Variants in DYNC2H1 observed in about 807,000 individuals in gnomAD.
DYNC2H1 encodes dynein cytoplasmic 2 heavy chain 1.
DYNC2H1 carries 410 observed loss-of-function variants against 570.0 expected under a neutral mutation model. The observed-to-expected ratio is 0.72, with a 90% CI of 0.66 to 0.78. The LOEUF (loss-of-function observed/expected upper bound fraction) is 0.78, where lower values mean the gene tolerates loss of function less well. Ranked by LOEUF, DYNC2H1 falls within the 30% of genes least tolerant of loss-of-function variation. The probability of loss-of-function intolerance (pLI) is 0.00; values close to 1 mark genes in which losing one functional copy is unlikely to be tolerated. For missense variants in DYNC2H1, 4,865 were observed against 5,046.4 expected (o/e 0.96, Z 1.09); for synonymous variants, 1,688 against 1,677.6 (o/e 1.01, Z -0.15).
chr11:103,156,907 C>A, intron 26 of DYNC2H1, 137 bp downstream of exon 26: 3 of 1,099,302 alleles, frequency 2.7e-6, no homozygotes, highest in Non-Finnish European at 3.8e-6. Context: ...CCTAGTGGAT[C>A]CTTTTGAGAA....
intron 65 of DYNC2H1, among the ~76,000 whole-genome samples, chr11:103,247,176 G>A (rs189564437): frequency 1.3e-5 from 2 of 152,100 alleles, no homozygotes; most frequent in Admixed American, 1.3e-4. Context: ...ACAAACAACA[G>A]ACATCAAAAG....
At chr11:103,392,163 C>A (rs547122410) in intron 83 of DYNC2H1, among the ~76,000 whole-genome samples, 1 of 152,222 alleles carries the variant, frequency 6.6e-6, no homozygotes, top group Non-Finnish European at 1.5e-5. Context: ...TCGAGCTTCC[C>A]GGCCACTTTG....
intron 82 of DYNC2H1, among the ~76,000 whole-genome samples, chr11:103,354,983 G>C (rs529716805): frequency 6.6e-6 from 1 of 151,840 alleles, no homozygotes; most frequent in Admixed American, 6.6e-5. Context: ...CCTTTTATTA[G>C]CTCTTCATAT....
Position 103,109,505 on chromosome 11 carries a change from C to T in DYNC2H1, c.-70C>T, listed in dbSNP as rs1210659082. 6 of 1,455,068 alleles carry T rather than the reference C, an allele frequency of 4.1e-6. No individual in the cohort carries two copies. The Admixed American group carries it at 9.8e-5, about 24-fold the overall frequency. The allele number at this position is 1,455,068 out of a possible 1,614,324, so 90.1% of individuals were successfully genotyped here. On this transcript the variant is annotated 5_prime_UTR_variant, in exon 1 of 89. Coordinates refer to ENST00000375735, the MANE Select transcript of DYNC2H1 (RefSeq NM_001377.3). ...GGTTTGAGCAAAGCTCCTCTCTTCC[C>T]TTCACTTCCCTCCGGACTGGTTTCT...
chr11:103,212,340 G>A (rs2135123813), intron 54 of DYNC2H1, among the ~76,000 whole-genome samples: 1 of 151,934 alleles, frequency 6.6e-6, no homozygotes, highest in East Asian at 1.9e-4. Context: ...CAAATATGGT[G>A]CAGTGTATAC....
intron 18 of DYNC2H1, among the ~76,000 whole-genome samples, chr11:103,144,644 A>G (rs1018929496): frequency 2.0e-5 from 3 of 152,160 alleles, no homozygotes; most frequent in Non-Finnish European, 4.4e-5. Flanking sequence ...ATGATCCTGG[A>G]AAGGTGTAGA....
chr11:103,189,962 T>G lies in DYNC2H1; in HGVS notation c.7437+146T>G. ...AGTAGAGAGTAACTGTGAAGACAGG[T>G]GCTGTGTGTGCCTTATTCACTGTTG... On this transcript the variant is annotated intron_variant, in intron 45 of 88. Transcript: ENST00000375735. This position sits in a 1 kb window ranked among gnomAD's most constrained non-coding sequence, Gnocchi z 4.3. The G allele has an allele frequency of 2.6e-6, 2 of 776,936 alleles. No homozygotes were observed. The highest frequency in any genetic ancestry group is 4.7e-5 in the South Asian group (2 of 42,686). The allele number at this position is 776,936 out of a possible 1,614,324, so 48.1% of individuals were successfully genotyped here.
intron 88 of DYNC2H1, among the ~76,000 whole-genome samples, chr11:103,474,838 G>C (rs1409580808): frequency 6.6e-6 from 1 of 152,134 alleles, no homozygotes; most frequent in Admixed American, 6.5e-5. Flanking sequence ...TTGGGGCCTT[G>C]GAATGTATTC....
intron 82 of DYNC2H1, among the ~76,000 whole-genome samples, chr11:103,355,059 A>G (rs983115268): frequency 1.1e-4 from 16 of 152,002 alleles, no homozygotes; most frequent in African/African-American, 3.9e-4. Context: ...TAAAACTCTT[A>G]TTTATTATTT....
intron 45 of DYNC2H1, among the ~76,000 whole-genome samples, 178 bp from the exon 46 acceptor site, chr11:103,191,339 A>G (rs1433549755): frequency 2.0e-5 from 3 of 152,110 alleles, no homozygotes. Flanking sequence ...GCGCCCGACC[A>G]GAATGTTTTT....
At chr11:103,478,975 A>G (rs2135878914) in intron 88 of DYNC2H1, 120 bp from the exon 89 acceptor site, 1 of 1,169,410 alleles carries the variant, frequency 8.6e-7, no homozygotes, top group Middle Eastern at 2.9e-4. Flanking sequence ...ATAGGGGTTC[A>G]TCATATTAAT....
At chr11:103,226,033 C>G (rs942788656) in intron 59 of DYNC2H1, among the ~76,000 whole-genome samples, 2 of 151,760 alleles carry the variant, frequency 1.3e-5, no homozygotes, top group African/African-American at 2.4e-5. Flanking sequence ...TGGTGTATAG[C>G]AGAGCTACTG....
In DYNC2H1 at chr11:103,157,309, A is replaced by G. The variant is rs762314669; in HGVS notation, c.4127+539A>G. ...ACTGCCAGCATCAGTTCTCTTTTAT[A>G]TGCTGAGGTCTCCTCAACTTACATG... On this transcript the variant is annotated intron_variant, in intron 26 of 88. Transcript: ENST00000375735. The surrounding 1 kb of genome is among the most constrained non-coding windows in gnomAD (Gnocchi z 4.2). 1.2e-4 allele frequency among the ~76,000 whole-genome samples: 19 copies of G among 152,150 alleles called. No individual in the cohort carries two copies. The highest frequency in any genetic ancestry group is 2.5e-4 in the Non-Finnish European group (17 of 68,030).
intron 15 of DYNC2H1, among the ~76,000 whole-genome samples, chr11:103,134,638 A>G (rs1219817911): frequency 6.6e-6 from 1 of 152,148 alleles, no homozygotes; most frequent in Non-Finnish European, 1.5e-5. Context: ...GTAGTGTCTT[A>G]TGGAATGCCA....
rs1222438753 is a variant in DYNC2H1, at chr11:103,395,344, T to C, written c.12157-4319T>C. ...GATTTCTATATACATATATATTTCTTATTATGTATTATGTATATCCTCATA... is the reference window on the plus strand; with the variant it reads ...GATTTCTATATACATATATATTTCTCATTATGTATTATGTATATCCTCATA... On this transcript the variant is annotated intron_variant, in intron 83 of 88. Transcript: ENST00000375735. This position sits in a 1 kb window ranked among gnomAD's most constrained non-coding sequence, Gnocchi z 4.3. Among the ~76,000 whole-genome samples, 7 of 151,960 alleles carry C rather than the reference T, an allele frequency of 4.6e-5. No homozygotes were observed. The East Asian group carries it at 9.6e-4, about 21-fold the overall frequency.
chr11:103,390,408 G>T (rs1394559226), intron 83 of DYNC2H1, among the ~76,000 whole-genome samples: 3 of 151,274 alleles, frequency 2.0e-5, no homozygotes, highest in Non-Finnish European at 4.4e-5. Context: ...CATGAGATGG[G>T]TTTCCTGAAT....
rs369860901 is a variant in DYNC2H1, at chr11:103,418,924, A to G, written c.12367-17019A>G. 1.6e-4 allele frequency among the ~76,000 whole-genome samples: 25 copies of G among 152,280 alleles called. No homozygotes were observed. In the East Asian group the frequency reaches 3.5e-3, roughly 21 times the overall value. On this transcript the variant is annotated intron_variant, in intron 84 of 88. Transcript: ENST00000375735. ...GTCTGCACAGCAGCTGCTCAGGTAC[A>G]CACACACAGGCCCAGGAGTTTTACA...
intron 13 of DYNC2H1, among the ~76,000 whole-genome samples, chr11:103,130,409 T>C (rs892385012): frequency 6.6e-6 from 1 of 152,188 alleles, no homozygotes; most frequent in African/African-American, 2.4e-5. Flanking sequence ...TTCTGCACAC[T>C]AGTTCTCAAG....
intron 52 of DYNC2H1, among the ~76,000 whole-genome samples, chr11:103,206,566 G>A (rs1862933566): frequency 1.3e-5 from 2 of 152,136 alleles, no homozygotes; most frequent in Non-Finnish European, 2.9e-5. Context: ...AGAAACTGGA[G>A]AGATGAAGAG....
Sources: gnomAD v4.1 joint callset for allele counts (sites outside exome capture counted in the v4.1 genomes callset) on GRCh38, gnomAD v4.1.1 for gene constraint, Gnocchi (gnomAD v3.1) non-coding constraint, MANE v1.5 for transcripts, NCBI Gene and HGNC (gene_info 2026-07-23, HGNC 2026-07-21) for gene names.